Variants in GREB1L observed in about 807,000 individuals in gnomAD.
The protein encoded by GREB1L is GREB1-like protein.
Under a neutral mutation model 200.8 loss-of-function variants are expected in GREB1L, and 17 were observed. The observed-to-expected ratio is 0.08, with a 90% confidence interval of 0.06 to 0.13. The LOEUF (loss-of-function observed/expected upper bound fraction) is 0.13. Ranked by LOEUF, GREB1L falls within the 10% of genes least tolerant of loss-of-function variation. The pLI is 1.00. For missense variants in GREB1L, 1,657 were observed against 2,367.7 expected (o/e 0.70, Z 6.23); for synonymous variants, 789 against 893.0 (o/e 0.88, Z 2.08).
At chr18:21,427,653 A>C (rs1011793409) in intron 7 of GREB1L, among the ~76,000 whole-genome samples, 1 of 152,200 alleles carries the variant, frequency 6.6e-6, no homozygotes, top group African/African-American at 2.4e-5. Context: ...TTTTGGGGTT[A>C]CTGCAATTAC....
Position 21,508,108 on chromosome 18 carries a change from G to A in GREB1L, c.4369-10G>A. On this transcript the variant is annotated splice_polypyrimidine_tract_variant and intron_variant, in intron 25 of 32. Transcript: ENST00000424526. Reference sequence around the variant, plus strand: ...CTTACGTTCCCTCCCTTTCTTCTTTGCAAATGTAGATGTCTGACTCCACCC... The same window carrying A: ...CTTACGTTCCCTCCCTTTCTTCTTTACAAATGTAGATGTCTGACTCCACCC... 6.4e-7 allele frequency: 1 copy of A among 1,551,010 alleles called. No individual in the cohort carries two copies. The highest frequency in any genetic ancestry group is 1.2e-5 in the South Asian group (1 of 84,042).
rs1160887122 is a variant in GREB1L at position 21,451,173 on chromosome 18, C to T, written c.1849+22C>T. The T allele has an allele frequency of 2.6e-6, 4 of 1,549,724 alleles. No individual in the cohort carries two copies. In the African/African-American group the frequency reaches 5.5e-5, roughly 21 times the overall value. On this transcript the variant is annotated intron_variant, in intron 13 of 32. Transcript: ENST00000424526. ...TTAGGTGAGTGGTTGTAAGATTTGG[C>T]AACACTGGCAGCCCCTAGTTGTATG... is the stretch of plus-strand genomic sequence containing the variant.
chr18:21,449,336 A>G (rs2034402699), intron 11 of GREB1L, among the ~76,000 whole-genome samples, 174 bp from the exon 12 acceptor site: 1 of 152,208 alleles, frequency 6.6e-6, no homozygotes, highest in Admixed American at 6.5e-5. Context: ...AATAATTTCC[A>G]ACAGGGAATG....
chr18:21,495,960 G>A (rs1328253267), intron 20 of GREB1L, among the ~76,000 whole-genome samples, 175 bp downstream of exon 20: 3 of 151,842 alleles, frequency 2.0e-5, no homozygotes, highest in Non-Finnish European at 4.4e-5. Context: ...TTTTTTTTTA[G>A]CTTTCCAGAG....
At chr18:21,446,763 T>C (rs2034245982) in intron 11 of GREB1L, among the ~76,000 whole-genome samples, 1 of 152,230 alleles carries the variant, frequency 6.6e-6, no homozygotes, top group Non-Finnish European at 1.5e-5. Flanking sequence ...AAATCTAAAC[T>C]TCTAAAAGGA....
rs577757664 is a variant in GREB1L at position 21,478,664 on chromosome 18, C to T, written c.2556+1308C>T. Among the ~76,000 whole-genome samples, 3 of 152,282 alleles carry T rather than the reference C, an allele frequency of 2.0e-5. No individual in the cohort carries two copies. In the East Asian group the frequency reaches 5.8e-4, roughly 29 times the overall value. On this transcript the variant is annotated intron_variant, in intron 17 of 32. Coordinates refer to ENST00000424526, the MANE Select transcript of GREB1L (RefSeq NM_001142966.3). Reference sequence around the variant, plus strand: ...TGAGAACTAACTCAGTGTGTTCTATCACTAGAGATTACTTTGAGCTTTTGC... The same window carrying T: ...TGAGAACTAACTCAGTGTGTTCTATTACTAGAGATTACTTTGAGCTTTTGC...
At chr18:21,504,811 G>A (rs1364323572) in intron 23 of GREB1L, among the ~76,000 whole-genome samples, 1 of 152,190 alleles carries the variant, frequency 6.6e-6, no homozygotes, top group Non-Finnish European at 1.5e-5. Flanking sequence ...GTTAAGTACA[G>A]TGCCTGAAGG....
rs553093607 is a variant in GREB1L at position 21,470,186 on chromosome 18, G to A, written c.2183-2845G>A. Among the ~76,000 whole-genome samples the A allele has an allele frequency of 1.6e-4, 25 of 152,002 alleles. No individual in the cohort carries two copies. The South Asian group carries it at 5.2e-3, about 32-fold the overall frequency. On this transcript the variant is annotated intron_variant, in intron 15 of 32. Transcript: ENST00000424526. The stretch of plus-strand genomic sequence containing the variant: ...GCCTGCAGGCCCAGCTACTCAGGAC[G>A]CTGAGGCAGGAGGATAGCTTGAGCC...
At chr18:21,242,817 T>C (rs2037523914) in intron 1 of GREB1L, among the ~76,000 whole-genome samples, 1 of 151,954 alleles carries the variant, frequency 6.6e-6, no homozygotes, top group Admixed American at 6.6e-5. Context: ...AGGGGGCACC[T>C]GGTTCGTCTC....
At chr18:21,512,783 T>A (rs1443546922) in intron 27 of GREB1L, among the ~76,000 whole-genome samples, 1 of 152,170 alleles carries the variant, frequency 6.6e-6, no homozygotes, top group East Asian at 1.9e-4. Flanking sequence ...ACTATGATGA[T>A]GTTAGCTGTG....
At chr18:21,385,053 T>C (rs2040482413) in intron 4 of GREB1L, among the ~76,000 whole-genome samples, 1 of 152,146 alleles carries the variant, frequency 6.6e-6, no homozygotes, top group South Asian at 2.1e-4. Context: ...TTTGGTGATA[T>C]CATAACTTAA....
rs546911016 is a variant in GREB1L, at chr18:21,392,673, A to G, written c.356-2712A>G. 7.9e-5 allele frequency among the ~76,000 whole-genome samples: 12 copies of G among 152,116 alleles called. No individual in the cohort carries two copies. The East Asian group carries it at 1.5e-3, about 20-fold the overall frequency. On this transcript the variant is annotated intron_variant, in intron 4 of 32. Coordinates refer to ENST00000424526, the MANE Select transcript of GREB1L (RefSeq NM_001142966.3). Reference sequence around the variant, plus strand: ...TCTTCTGTTGACTTTTCCCAATTCTATTAGGCTTGTTTTTGAGGTTTGGTG... The same window carrying G: ...TCTTCTGTTGACTTTTCCCAATTCTGTTAGGCTTGTTTTTGAGGTTTGGTG...
At chr18:21,415,044 T>C (rs544912587) in intron 7 of GREB1L, among the ~76,000 whole-genome samples, 2 of 152,128 alleles carry the variant, frequency 1.3e-5, no homozygotes, top group East Asian at 3.9e-4. Flanking sequence ...TTAAGTCAAG[T>C]AGAAGGAACT....
chr18:21,318,897 G>A (rs1383558796), intron 1 of GREB1L, among the ~76,000 whole-genome samples: 1 of 152,188 alleles, frequency 6.6e-6, no homozygotes, highest in Admixed American at 6.5e-5. Context: ...ACACTGGTGT[G>A]AGTGAACAGT....
At chr18:21,253,295 C>A (rs2037743528) in intron 1 of GREB1L, among the ~76,000 whole-genome samples, 1 of 149,990 alleles carries the variant, frequency 6.7e-6, no homozygotes, top group South Asian at 2.1e-4. Flanking sequence ...CTCTGTCGCC[C>A]AGGCTGGAAT....
At chr18:21,273,044 T>C (rs1483210717) in intron 1 of GREB1L, among the ~76,000 whole-genome samples, 1 of 152,122 alleles carries the variant, frequency 6.6e-6, no homozygotes, top group Non-Finnish European at 1.5e-5. Context: ...ATGGCCAACA[T>C]GGCGAAACCC....
Position 21,490,243 on chromosome 18 carries a change from G to T in GREB1L, c.2922G>T (p.Arg974=), listed in dbSNP as rs1340970896. The T allele has an allele frequency of 6.4e-7, 1 of 1,551,768 alleles. No individual in the cohort carries two copies. The highest frequency in any genetic ancestry group is 2.4e-5 in the East Asian group (1 of 40,920). ...SVQLAMLAKE[R]LQEVRDKLGL... ...AGCTGGCGATGTTAGCCAAGGAGCG[G>T]CTACAGGAGGTGCGCGACAAACTGG... The change falls in exon 19 of 33, where the codon CGG becomes CGT. Residue 974 remains arginine (R), a synonymous_variant. Coordinates refer to ENST00000424526, the MANE Select transcript of GREB1L (RefSeq NM_001142966.3).
At chr18:21,501,140 C>G (rs2036774055) in intron 23 of GREB1L, among the ~76,000 whole-genome samples, 1 of 150,524 alleles carries the variant, frequency 6.6e-6, no homozygotes, top group African/African-American at 2.4e-5. Flanking sequence ...TCTGAGTAAA[C>G]TGTAGCCTTT....
At chr18:21,264,203 A>T (rs1377670820) in intron 1 of GREB1L, among the ~76,000 whole-genome samples, 1 of 151,938 alleles carries the variant, frequency 6.6e-6, no homozygotes. Context: ...GGATCTAATT[A>T]TGTAGCAGAT....
Sources: gnomAD v4.1 joint callset for allele counts (sites outside exome capture counted in the v4.1 genomes callset) on GRCh38, gnomAD v4.1.1 for gene constraint, MANE v1.5 for transcripts, NCBI Gene and HGNC (gene_info 2026-07-23, HGNC 2026-07-21) for gene names.